GLMN: variants seen among roughly 807,000 people sequenced by gnomAD.
GLMN encodes the protein glomulin, FKBP associated protein.
A neutral mutation model predicts 87.8 loss-of-function variants in GLMN; 75 were observed. The observed-to-expected ratio is 0.85, with a 90% CI of 0.71 to 1.04. GLMN has a LOEUF of 1.04. Ranked by LOEUF, GLMN falls within the 50% of genes least tolerant of loss-of-function variation. The probability of loss-of-function intolerance (pLI) is 0.00; values close to 1 mark genes in which losing one functional copy is unlikely to be tolerated. For missense variants in GLMN, 588 were observed against 658.8 expected, an observed-to-expected ratio of 0.89 and a Z score of 1.18; for synonymous variants, 206 against 221.6, an observed-to-expected ratio of 0.93 and a Z score of 0.63.
intron 7 of GLMN, among the ~76,000 whole-genome samples, chr1:92,273,922 A>G (rs1336723193): frequency 6.6e-6 from 1 of 152,084 alleles, no homozygotes; most frequent in Non-Finnish European, 1.5e-5. Flanking sequence ...ACAATTTCTC[A>G]ATATTCATGG....
chr1:92,279,849 A>G (rs1274361544), intron 7 of GLMN, among the ~76,000 whole-genome samples: 5 of 152,196 alleles, frequency 3.3e-5, no homozygotes, highest in African/African-American at 1.2e-4. Flanking sequence ...AGCCTTGCGC[A>G]CTGCTAGCGC....
intron 16 of GLMN, among the ~76,000 whole-genome samples, chr1:92,252,840 T>G (rs1293850360): frequency 6.6e-6 from 1 of 152,236 alleles, no homozygotes; most frequent in Non-Finnish European, 1.5e-5. Context: ...TACCTGCTTT[T>G]AATTTCATAC....
At chr1:92,320,701 A>T in the GLMN span, 1 of 1,258,412 alleles carries the variant, frequency 7.9e-7, no homozygotes, top group Non-Finnish European at 1.1e-6. Context: ...GGAGTGAACC[A>T]GGTGATATGA....
At chr1:92,330,457 T>C in the GLMN span, among the ~76,000 whole-genome samples, 1 of 142,650 alleles carries the variant, frequency 7.0e-6, no homozygotes, top group Non-Finnish European at 1.5e-5. Context: ...TTTTTTTTTT[T>C]TTTTTTTTTG....
intron 3 of GLMN, among the ~76,000 whole-genome samples, chr1:92,292,450 G>A (rs150150088): frequency 0.044 from 6,743 of 151,864 alleles, 469 homozygotes; most frequent in African/African-American, 0.15. Context: ...TCGCTCTGTC[G>A]CCCAGGCTGG....
rs559477843 is a variant in GLMN at position 92,258,907 on chromosome 1, C to A, written c.1473+3956G>T. The stretch of plus-strand genomic sequence containing the variant: ...AGAACTTAAAAGTATTGAAAAAAAA[C>A]CAAAACTTAAATGAGCACCCAAAAT... On this transcript the variant is annotated intron_variant, in intron 16 of 18. Transcript: ENST00000370360. Among the ~76,000 whole-genome samples, 58 of 151,930 alleles carry A rather than the reference C, an allele frequency of 3.8e-4. No homozygotes were observed. In the East Asian group the frequency reaches 4.6e-3, roughly 12 times the overall value.
chr1:92,331,358 TG>T, the GLMN span, among the ~76,000 whole-genome samples: 1 of 152,192 alleles, frequency 6.6e-6, no homozygotes, highest in African/African-American at 2.4e-5. Flanking sequence ...ATACAGTATT[TG>T]GGTTTAAATC....
upstream of GLMN, chr1:92,299,179 C>T (rs1448796218): frequency 9.6e-6 from 13 of 1,350,722 alleles, no homozygotes; most frequent in Non-Finnish European, 1.2e-5. Context: ...ACTTTTGGAC[C>T]CTGAAAGCTG....
the GLMN span, among the ~76,000 whole-genome samples, chr1:92,357,681 G>A: frequency 2.0e-5 from 3 of 152,198 alleles, no homozygotes; most frequent in East Asian, 3.9e-4. Flanking sequence ...ATAGGCATGC[G>A]CCACCACACC....
At chr1:92,290,152 T>C (rs1457782626) in intron 5 of GLMN, 46 bp downstream of exon 5, 15 of 1,054,322 alleles carry the variant, frequency 1.4e-5, no homozygotes, top group Non-Finnish European at 2.2e-5. Context: ...CATCAAGGCA[T>C]TTAGAGATAC....
At chr1:92,254,894 T>A (rs940013985) in intron 16 of GLMN, among the ~76,000 whole-genome samples, 1 of 152,170 alleles carries the variant, frequency 6.6e-6, no homozygotes, top group African/African-American at 2.4e-5. Context: ...CAGGATCAAA[T>A]TCACAGATAA....
At chr1:92,328,587 C>G in the GLMN span, among the ~76,000 whole-genome samples, 1 of 152,158 alleles carries the variant, frequency 6.6e-6, no homozygotes. Context: ...TTGGGCCTCA[C>G]CTTTCTCTGG....
At chr1:92,283,473 A>C (rs1648334163) in intron 7 of GLMN, among the ~76,000 whole-genome samples, 1 of 152,184 alleles carries the variant, frequency 6.6e-6, no homozygotes, top group South Asian at 2.1e-4. Flanking sequence ...CGTATCTCAA[A>C]ATAATAAGAG....
At chr1:92,279,874 G>A (rs886192058) in intron 7 of GLMN, among the ~76,000 whole-genome samples, 12 of 152,070 alleles carry the variant, frequency 7.9e-5, no homozygotes, top group African/African-American at 2.7e-4. Flanking sequence ...GTCTGAGATC[G>A]ACCTGCGAGG....
At chr1:92,340,752 G>C in the GLMN span, among the ~76,000 whole-genome samples, 1 of 152,250 alleles carries the variant, frequency 6.6e-6, no homozygotes, top group Admixed American at 6.5e-5. Context: ...CCAGTGAATA[G>C]AGCTGTCTTT....
intron 3 of GLMN, among the ~76,000 whole-genome samples, chr1:92,295,230 T>C (rs1243233524): frequency 6.6e-6 from 1 of 150,876 alleles, no homozygotes; most frequent in African/African-American, 2.4e-5. Context: ...GCAGGCCTCT[T>C]CTCTCTACCT....
upstream of GLMN, among the ~76,000 whole-genome samples, chr1:92,302,590 AT>A (rs36067595): frequency 0.01 from 746 of 74,242 alleles, 1 homozygote; most frequent in African/African-American, 0.04. Flanking sequence ...TCCGCATTAA[AT>A]TTTTTTTTTT....
At position 92,247,200 on chromosome 1, in the gene GLMN, G is replaced by A; in HGVS notation, c.1586-56C>T. 3 of 852,806 alleles carry A rather than the reference G, an allele frequency of 3.5e-6. No individual in the cohort carries two copies. In the South Asian group the frequency reaches 3.9e-5, roughly 11 times the overall value. The allele number at this position is 852,806 out of a possible 1,614,324, so 52.8% of individuals were successfully genotyped here. On this transcript the variant is annotated intron_variant, in intron 17 of 18. Transcript: ENST00000370360. ...TTAACTCTCAGATTTCAATAACAAA[G>A]GTATAAGCTACTTTCATTCACTAAC...
chr1:92,253,760 C>A (rs1382935639), intron 16 of GLMN, among the ~76,000 whole-genome samples: 1 of 152,156 alleles, frequency 6.6e-6, no homozygotes, highest in Non-Finnish European at 1.5e-5. Flanking sequence ...AAAAACTCCA[C>A]CCAAAGGTCA....
Sources: gnomAD v4.1 joint callset for allele counts (sites outside exome capture counted in the v4.1 genomes callset) on GRCh38, gnomAD v4.1.1 for gene constraint, MANE v1.5 for transcripts, NCBI Gene and HGNC (gene_info 2026-07-23, HGNC 2026-07-21) for gene names.